ADK: variants seen among roughly 807,000 people sequenced by gnomAD.
ADK encodes the protein N6,N6-dimethyladenosine kinase.
In ADK, 24 loss-of-function variants were observed where a neutral mutation model predicts 44.7. That is an observed-to-expected ratio of 0.54 (90% CI 0.39 to 0.76). ADK has a LOEUF of 0.76. Among genes scored for constraint, ADK ranks in the 30% least tolerant of loss-of-function variants. The probability of loss-of-function intolerance (pLI) is 0.00; values close to 1 mark genes in which losing one functional copy is unlikely to be tolerated. For synonymous variants in ADK, 128 were observed against 142.6 expected (o/e 0.90, Z 0.73); for missense variants, 321 against 425.1 (o/e 0.76, Z 2.15).
intron 9 of ADK, among the ~76,000 whole-genome samples, chr10:74,603,072 T>G (rs981447012): frequency 6.6e-6 from 1 of 152,104 alleles, no homozygotes; most frequent in African/African-American, 2.4e-5. Flanking sequence ...TGCCAATTTG[T>G]TATTGTTTTC....
At chr10:74,662,986 T>C (rs139903714) in intron 9 of ADK, among the ~76,000 whole-genome samples, 2,666 of 152,172 alleles carry the variant, frequency 0.018, 72 homozygotes, top group African/African-American at 0.061. Context: ...CCCAGCACTT[T>C]GGGAGGCCAA....
At position 74,277,787 on chromosome 10, in the gene ADK, T is replaced by C. The variant is rs572210665; in HGVS notation, c.195-36880T>C. Among the ~76,000 whole-genome samples the C allele has an allele frequency of 1.3e-4, 20 of 152,322 alleles. No homozygotes were observed. The South Asian group carries it at 3.3e-3, about 25-fold the overall frequency. Reference sequence around the variant, plus strand: ...TTTTAAAAAGCTATTTTTTCTTTGATTGTACATTGTGGTCAGAGAATAAGT... The same window carrying C: ...TTTTAAAAAGCTATTTTTTCTTTGACTGTACATTGTGGTCAGAGAATAAGT... On this transcript the variant is annotated intron_variant, in intron 3 of 10. Coordinates refer to ENST00000539909, the MANE Select transcript of ADK (RefSeq NM_006721.4).
chr10:74,192,667 G>A (rs947794059), intron 1 of ADK, among the ~76,000 whole-genome samples: 1 of 152,020 alleles, frequency 6.6e-6, no homozygotes, highest in Non-Finnish European at 1.5e-5. Context: ...ACTAGGAGTA[G>A]AGACATGCAC....
At chr10:74,678,077 G>C (rs1281688042) in intron 10 of ADK, among the ~76,000 whole-genome samples, 1 of 149,386 alleles carries the variant, frequency 6.7e-6, no homozygotes, top group African/African-American at 2.5e-5. Context: ...AAAGGTTGAG[G>C]CTGCAGTGAG....
intron 6 of ADK, among the ~76,000 whole-genome samples, chr10:74,461,529 A>G (rs1241786033): frequency 6.6e-6 from 1 of 152,078 alleles, no homozygotes; most frequent in African/African-American, 2.4e-5. Flanking sequence ...TTCCACTACA[A>G]TAGCATTACA....
At chr10:74,661,304 T>G (rs1854716950) in intron 9 of ADK, 2 of 969,190 alleles carry the variant, frequency 2.1e-6, no homozygotes, top group Non-Finnish European at 2.5e-6. Context: ...AGTAGCAACA[T>G]TACTTGAATG....
intron 7 of ADK, among the ~76,000 whole-genome samples, chr10:74,587,989 A>T (rs374939575): frequency 6.6e-6 from 1 of 152,100 alleles, no homozygotes; most frequent in Admixed American, 6.6e-5. Flanking sequence ...TTAACCATAC[A>T]TATTTTTAAT....
At chr10:74,398,634 T>C (rs980569421) in intron 6 of ADK, 55 bp downstream of exon 6, 7 of 976,456 alleles carry the variant, frequency 7.2e-6, no homozygotes, top group African/African-American at 1.6e-5. Context: ...TGGATTATAG[T>C]TGTTGTCTGA....
chr10:74,222,003 A>G (rs1844330133), intron 2 of ADK, among the ~76,000 whole-genome samples: 1 of 152,250 alleles, frequency 6.6e-6, no homozygotes, highest in South Asian at 2.1e-4. Flanking sequence ...ATGGCAACAA[A>G]AGCCAAAATT....
At position 74,708,620 on chromosome 10, in the gene ADK, C is replaced by T; in HGVS notation, c.*175C>T. 1 of 640,396 alleles carries T rather than the reference C, an allele frequency of 1.6e-6. No homozygotes were observed. Among genetic ancestry groups the T allele is most frequent in the Non-Finnish European group, 2.5e-6 (1 of 396,550 alleles). The allele number at this position is 640,396 out of a possible 1,614,324, so 39.7% of individuals were successfully genotyped here. A position where few individuals can be genotyped will look rare whatever the true frequency, so the allele number is the denominator to read the frequency against. On this transcript the variant is annotated 3_prime_UTR_variant, in exon 11 of 11. Coordinates refer to ENST00000539909, the MANE Select transcript of ADK (RefSeq NM_006721.4). ...AATGCTTGTAGAATCTTTATTATCT[C>T]AACAATCTAAAAAATGATGTTTATT...
intron 6 of ADK, among the ~76,000 whole-genome samples, chr10:74,482,605 A>G (rs1376066123): frequency 6.6e-6 from 1 of 152,190 alleles, no homozygotes; most frequent in Non-Finnish European, 1.5e-5. Context: ...AAGTCTAATC[A>G]GAGACAAGGC....
At chr10:74,342,815 G>T (rs1387923528) in intron 4 of ADK, among the ~76,000 whole-genome samples, 2 of 151,344 alleles carry the variant, frequency 1.3e-5, no homozygotes, top group Non-Finnish European at 3.0e-5. Context: ...GTGTGTGTGT[G>T]TTTTAATATT....
chr10:74,556,196 A>G (rs1850239333), intron 7 of ADK, among the ~76,000 whole-genome samples: 1 of 152,200 alleles, frequency 6.6e-6, no homozygotes, highest in African/African-American at 2.4e-5. Context: ...CATGTTTTAC[A>G]TGCCCATTTG....
At chr10:74,388,834 T>C (rs1188543534) in intron 4 of ADK, among the ~76,000 whole-genome samples, 1 of 152,184 alleles carries the variant, frequency 6.6e-6, no homozygotes, top group Non-Finnish European at 1.5e-5. Flanking sequence ...ACTCTGTAGA[T>C]TTCAACTCAT....
intron 1 of ADK, among the ~76,000 whole-genome samples, chr10:74,160,332 A>AT (rs1249348931): frequency 6.6e-6 from 1 of 152,142 alleles, no homozygotes; most frequent in African/African-American, 2.4e-5. Context: ...CTGCCTCTTA[A>AT]TTTGTATATA....
At chr10:74,359,531 G>A (rs913863906) in intron 4 of ADK, among the ~76,000 whole-genome samples, 6 of 151,976 alleles carry the variant, frequency 3.9e-5, no homozygotes, top group Non-Finnish European at 7.4e-5. Context: ...AACATGGCGT[G>A]ACCGTCCCTA....
chr10:74,167,227 G>A (rs1842058825), intron 1 of ADK, among the ~76,000 whole-genome samples: 1 of 152,110 alleles, frequency 6.6e-6, no homozygotes, highest in Admixed American at 6.5e-5. Flanking sequence ...GGCTGGTCTT[G>A]AACTCCTAAG....
intron 8 of ADK, among the ~76,000 whole-genome samples, chr10:74,595,676 C>CGAGAAATGAAA (rs768207911): frequency 1 from 138,703 of 138,720 alleles, 69,345 homozygotes; most frequent in Middle Eastern, 1. Flanking sequence ...GCGCCCATCG[C>CGAGAAATGAAA]CATATCAGTT....
intron 1 of ADK, among the ~76,000 whole-genome samples, chr10:74,197,693 G>A (rs890123464): frequency 2.6e-5 from 3 of 114,470 alleles, no homozygotes; most frequent in Admixed American, 1.1e-4. Flanking sequence ...GAGAGACTCC[G>A]TCTAAAAAAA....
Sources: gnomAD v4.1 joint callset for allele counts (sites outside exome capture counted in the v4.1 genomes callset) on GRCh38, gnomAD v4.1.1 for gene constraint, MANE v1.5 for transcripts, NCBI Gene and HGNC (gene_info 2026-07-23, HGNC 2026-07-21) for gene names.